SLC44A5: variants seen among roughly 807,000 people sequenced by gnomAD.
SLC44A5 encodes the protein choline transporter-like protein 5.
A neutral mutation model predicts 101.8 loss-of-function variants in SLC44A5; 57 were observed. The ratio of observed to expected loss-of-function variants is 0.56; its 90% confidence interval spans 0.45 to 0.70. The LOEUF is 0.70. SLC44A5 is among the 30% of genes least tolerant of loss of function. The probability of loss-of-function intolerance (pLI) is 0.00; values close to 1 mark genes in which losing one functional copy is unlikely to be tolerated. For missense variants in SLC44A5, 737 were observed against 853.1 expected, an observed-to-expected ratio of 0.86 and a Z score of 1.70; for synonymous variants, 281 against 290.9, an observed-to-expected ratio of 0.97 and a Z score of 0.35.
chr1:75,464,221 CAAA>C (rs57630961), intron 2 of SLC44A5, among the ~76,000 whole-genome samples: 3 of 52,230 alleles, frequency 5.7e-5, no homozygotes, highest in Non-Finnish European at 7.4e-5. Context: ...GACTCTGTCT[CAAA>C]AAAAAAAAAA....
At chr1:75,295,199 TAA>T (rs1361401393) in intron 5 of SLC44A5, among the ~76,000 whole-genome samples, 1 of 104,732 alleles carries the variant, frequency 9.5e-6, no homozygotes, top group Non-Finnish European at 2.4e-5. Context: ...GCTAAAAAAT[TAA>T]ATTAAATTAA....
rs138214800 is a variant in SLC44A5 at position 75,541,524 on chromosome 1, A to G, written c.-69-8T>C. On this transcript the variant is annotated splice_polypyrimidine_tract_variant and splice_region_variant and intron_variant, in intron 1 of 23. Transcript: ENST00000370859. ...AGTTGCTTAGAAAAGAGTCTGTGAT[A>G]AAAACAAGTATGAAGATAGTTACCT... 2 of 1,587,378 alleles carry G rather than the reference A, an allele frequency of 1.3e-6. No individual in the cohort carries two copies. The highest frequency in any genetic ancestry group is 1.7e-6 in the Non-Finnish European group (2 of 1,167,836).
At chr1:75,395,813 T>G (rs1343218997) in intron 3 of SLC44A5, among the ~76,000 whole-genome samples, 1 of 152,178 alleles carries the variant, frequency 6.6e-6, no homozygotes, top group Non-Finnish European at 1.5e-5. Flanking sequence ...TTGCATATTT[T>G]AAAATTGCTA....
At chr1:75,479,294 A>T (rs1475044751) in intron 2 of SLC44A5, among the ~76,000 whole-genome samples, 3 of 152,382 alleles carry the variant, frequency 2.0e-5, no homozygotes, top group Admixed American at 2.0e-4. Context: ...CCACAAGAGA[A>T]AGCAGGAAAG....
At chr1:75,384,800 C>G (rs373260173) in intron 3 of SLC44A5, among the ~76,000 whole-genome samples, 5 of 146,596 alleles carry the variant, frequency 3.4e-5, no homozygotes, top group Admixed American at 1.4e-4. Flanking sequence ...TGACCACATA[C>G]TTGGAAGTAA....
intron 2 of SLC44A5, among the ~76,000 whole-genome samples, chr1:75,435,212 C>T (rs1219586804): frequency 1.3e-5 from 2 of 152,236 alleles, no homozygotes; most frequent in East Asian, 3.9e-4. Context: ...CCTCCATCCC[C>T]AAAAGCACTC....
intron 22 of SLC44A5, 84 bp from the exon 23 acceptor site, chr1:75,211,636 T>A (rs533739672): frequency 9.4e-7 from 1 of 1,061,570 alleles, no homozygotes; most frequent in Admixed American, 1.8e-5. Flanking sequence ...AAAGCCATGA[T>A]GAGAAAGTTT....
chr1:75,655,863 A>G, the SLC44A5 span, among the ~76,000 whole-genome samples: 1 of 152,180 alleles, frequency 6.6e-6, no homozygotes, highest in African/African-American at 2.4e-5. Context: ...AGTAACAGAG[A>G]ACTTTCAACT....
At chr1:75,480,900 C>A (rs1667801646) in intron 2 of SLC44A5, among the ~76,000 whole-genome samples, 1 of 152,208 alleles carries the variant, frequency 6.6e-6, no homozygotes, top group African/African-American at 2.4e-5. Flanking sequence ...TTGGAAAAAA[C>A]TACTTTAAAG....
intron 3 of SLC44A5, among the ~76,000 whole-genome samples, chr1:75,341,943 C>T (rs186019117): frequency 2.6e-5 from 4 of 152,176 alleles, no homozygotes; most frequent in Admixed American, 2.0e-4. Context: ...TTTAGATGAC[C>T]CACTAACTGA....
rs763007801 is a variant in SLC44A5 at position 75,213,776 on chromosome 1, A to G, written c.1891T>C (p.Phe631Leu). 8.7e-6 allele frequency: 14 copies of G among 1,612,210 alleles called. No individual in the cohort carries two copies. The highest frequency in any genetic ancestry group is 9.3e-6 in the Non-Finnish European group (11 of 1,178,598). The stretch of plus-strand genomic sequence containing the variant: ...ATCACTGGCAGTCTTTGTGTGAAGA[A>G]TAGGAAGGCCAGAACACCTACATTG... ...AGSIGVLAFL[F>L]FTQRLPVIAQ... is the part of the protein sequence containing the mutation. The change falls in exon 22 of 24, where the codon TTC becomes CTC. Residue 631 changes from phenylalanine to leucine, a missense_variant. Phe to Leu is a conservative substitution (Grantham distance 22). Coordinates refer to ENST00000370859, the MANE Select transcript of SLC44A5 (RefSeq NM_001130058.2).
chr1:75,241,152 T>G (rs909158825), intron 9 of SLC44A5, among the ~76,000 whole-genome samples: 3 of 152,040 alleles, frequency 2.0e-5, no homozygotes, highest in African/African-American at 7.2e-5. Context: ...GACATTTTAA[T>G]GTAAAGCTTT....
chr1:75,232,067 T>G (rs965408887), intron 12 of SLC44A5, among the ~76,000 whole-genome samples: 27 of 152,116 alleles, frequency 1.8e-4, no homozygotes, highest in Admixed American at 1.4e-3. Context: ...CATGTAGTCT[T>G]ATTTTCTGAC....
the SLC44A5 span, chr1:75,720,215 A>C: frequency 2.6e-5 from 4 of 152,170 alleles, no homozygotes; most frequent in Non-Finnish European, 5.9e-5. Context: ...CTGCCGCCTG[A>C]GATGCAGACA....
At chr1:75,432,397 C>T (rs1159156317) in intron 2 of SLC44A5, among the ~76,000 whole-genome samples, 2 of 152,140 alleles carry the variant, frequency 1.3e-5, no homozygotes, top group Non-Finnish European at 2.9e-5. Context: ...AGGGTCTCTT[C>T]TGCAAGACTA....
intron 10 of SLC44A5, 33 bp downstream of exon 10, chr1:75,238,480 T>A (rs774436632): frequency 2.0e-6 from 3 of 1,535,032 alleles, no homozygotes; most frequent in Middle Eastern, 3.5e-4. Context: ...ACAAAATGCA[T>A]CAAACTGAAA....
In SLC44A5 at chr1:75,544,503, GCA is replaced by G. The variant is rs139419647; in HGVS notation, c.-69-2989_-69-2988del. Among the ~76,000 whole-genome samples, 1,152 of 149,994 alleles carry G rather than the reference GCA, an allele frequency of 7.7e-3. 16 individuals are homozygous for G. Among genetic ancestry groups the G allele is most frequent in the Admixed American group, 0.036 (548 of 15,060 alleles). ...TTGATTTCTCTTTCTGTGTGCATGT[GCA>G]CACACACACACACACACACACAACA... On this transcript the variant is annotated intron_variant, in intron 1 of 23. Coordinates refer to ENST00000370859, the MANE Select transcript of SLC44A5 (RefSeq NM_001130058.2).
intron 2 of SLC44A5, among the ~76,000 whole-genome samples, chr1:75,416,897 G>A (rs1344413672): frequency 4.6e-5 from 7 of 152,154 alleles, no homozygotes; most frequent in Non-Finnish European, 8.8e-5. Context: ...TACCCCCATT[G>A]TATCTAGGAA....
intron 3 of SLC44A5, among the ~76,000 whole-genome samples, chr1:75,375,170 C>T (rs560072830): frequency 2.8e-4 from 42 of 152,304 alleles, no homozygotes; most frequent in African/African-American, 9.4e-4. Flanking sequence ...CCAAACTCAA[C>T]TTCTGGAATT....
Sources: gnomAD v4.1 joint callset for allele counts (sites outside exome capture counted in the v4.1 genomes callset) on GRCh38, gnomAD v4.1.1 for gene constraint, MANE v1.5 for transcripts, NCBI Gene and HGNC (gene_info 2026-07-23, HGNC 2026-07-21) for gene names.